The following LINGO2 variants were observed in gnomAD, a reference collection of about 807,000 sequenced individuals.
The protein encoded by LINGO2 is leucine rich repeat and Ig domain containing 2.
A neutral mutation model predicts 30.6 loss-of-function variants in LINGO2; 14 were observed. The observed-to-expected ratio is 0.46, with a 90% CI of 0.30 to 0.72. LINGO2 has a LOEUF of 0.72. Among genes scored for constraint, LINGO2 ranks in the 30% least tolerant of loss-of-function variants. The pLI is 0.07. For missense variants in LINGO2, 729 were observed against 751.7 expected (o/e 0.97, Z 0.35); for synonymous variants, 317 against 288.5 (o/e 1.10, Z -1.00).
At chr9:28,772,643 A>T in the LINGO2 span, among the ~76,000 whole-genome samples, 6 of 152,198 alleles carry the variant, frequency 3.9e-5, no homozygotes, top group African/African-American at 1.4e-4. Flanking sequence ...ATTTTCTTTA[A>T]CTCTCTTTTT....
chr9:28,028,484 T>C (rs1411806268), intron 4 of LINGO2, among the ~76,000 whole-genome samples: 2 of 151,998 alleles, frequency 1.3e-5, no homozygotes, highest in Admixed American at 6.5e-5. Context: ...TACAAATGTA[T>C]ATACACGTAA....
chr9:28,511,812 A>C (rs59461988), intron 1 of LINGO2, among the ~76,000 whole-genome samples: 68 of 152,302 alleles, frequency 4.5e-4, no homozygotes, highest in African/African-American at 1.6e-3. Context: ...GCACAGCCAG[A>C]TGCACTGCTT....
chr9:29,101,800 C>G, the LINGO2 span, among the ~76,000 whole-genome samples: 5 of 152,056 alleles, frequency 3.3e-5, no homozygotes, highest in African/African-American at 1.2e-4. Flanking sequence ...TTTTCTTTAT[C>G]CAGTCTTCTG....
At chr9:28,993,427 T>C in the LINGO2 span, among the ~76,000 whole-genome samples, 1 of 152,188 alleles carries the variant, frequency 6.6e-6, no homozygotes, top group Non-Finnish European at 1.5e-5. Context: ...AGCCGAATTC[T>C]ACCAGAGGTA....
intron 4 of LINGO2, among the ~76,000 whole-genome samples, chr9:28,074,438 T>C (rs1402459957): frequency 2.6e-5 from 4 of 152,172 alleles, no homozygotes; most frequent in Non-Finnish European, 4.4e-5. Flanking sequence ...TATTGGATCA[T>C]GTCGTACATG....
At chr9:28,721,202 C>T in the LINGO2 span, among the ~76,000 whole-genome samples, 1 of 152,244 alleles carries the variant, frequency 6.6e-6, no homozygotes, top group East Asian at 1.9e-4. Context: ...TGCTTTTACA[C>T]TGTTGGTAGG....
chr9:28,847,690 C>G, the LINGO2 span, among the ~76,000 whole-genome samples: 2 of 141,660 alleles, frequency 1.4e-5, 1 homozygote, highest in African/African-American at 5.4e-5. Context: ...AACTGAGCAT[C>G]TACATATTGA....
chr9:28,414,245 G>A (rs11791730), intron 2 of LINGO2, among the ~76,000 whole-genome samples: 24,427 of 151,814 alleles, frequency 0.16, 2,622 homozygotes, highest in African/African-American at 0.3. Context: ...ATTTTATTTC[G>A]TTCCACAGTC....
At chr9:28,008,928 A>T (rs558458991) in intron 5 of LINGO2, among the ~76,000 whole-genome samples, 1 of 152,166 alleles carries the variant, frequency 6.6e-6, no homozygotes, top group East Asian at 1.9e-4. Context: ...TAAATTTCAT[A>T]AAGAAATTAT....
the LINGO2 span, among the ~76,000 whole-genome samples, chr9:29,121,232 G>A: frequency 1.3e-5 from 2 of 152,140 alleles, no homozygotes; most frequent in African/African-American, 4.8e-5. Context: ...AAGTCAAACT[G>A]TGTGTTGCTC....
At chr9:28,963,259 G>A in the LINGO2 span, among the ~76,000 whole-genome samples, 3 of 151,848 alleles carry the variant, frequency 2.0e-5, no homozygotes, top group Non-Finnish European at 4.4e-5. Context: ...TTAGCATTGA[G>A]TTTTTAATTT....
the LINGO2 span, among the ~76,000 whole-genome samples, chr9:28,892,576 A>C: frequency 6.6e-6 from 1 of 152,130 alleles, no homozygotes; most frequent in African/African-American, 2.4e-5. Flanking sequence ...CTTAACATGT[A>C]AATAAAAGCA....
At chr9:29,069,288 A>G in the LINGO2 span, among the ~76,000 whole-genome samples, 3 of 152,094 alleles carry the variant, frequency 2.0e-5, no homozygotes, top group East Asian at 3.9e-4. Context: ...GAACCCTCTC[A>G]TGACGGAATG....
At chr9:28,059,238 A>G (rs1825063153) in intron 4 of LINGO2, among the ~76,000 whole-genome samples, 1 of 152,078 alleles carries the variant, frequency 6.6e-6, no homozygotes. Context: ...GCTGTAGATC[A>G]TGTGCCTACC....
intron 4 of LINGO2, among the ~76,000 whole-genome samples, chr9:28,135,278 C>G (rs1199041249): frequency 6.6e-6 from 1 of 151,618 alleles, no homozygotes; most frequent in African/African-American, 2.4e-5. Context: ...GAAGAGATGT[C>G]TGGATGAAAG....
chr9:28,616,409 C>T (rs1034570818), intron 1 of LINGO2, among the ~76,000 whole-genome samples: 1 of 152,132 alleles, frequency 6.6e-6, no homozygotes, highest in Non-Finnish European at 1.5e-5. Flanking sequence ...CCCACATCAG[C>T]TGCTTTCAAA....
At chr9:28,873,410 C>G in the LINGO2 span, among the ~76,000 whole-genome samples, 1 of 146,372 alleles carries the variant, frequency 6.8e-6, no homozygotes, top group African/African-American at 2.5e-5. Context: ...AAAAAAGAAA[C>G]TATTTCTTCT....
At chr9:28,701,877 T>C in the LINGO2 span, among the ~76,000 whole-genome samples, 1 of 151,942 alleles carries the variant, frequency 6.6e-6, no homozygotes, top group African/African-American at 2.4e-5. Context: ...ACCTAAATAT[T>C]TCATTTTTGG....
At chr9:28,827,472 T>C in the LINGO2 span, among the ~76,000 whole-genome samples, 1 of 152,186 alleles carries the variant, frequency 6.6e-6, no homozygotes, top group African/African-American at 2.4e-5. Flanking sequence ...AGTTTCCACA[T>C]CTTTAAAATG....
Sources: gnomAD v4.1 joint callset for allele counts (sites outside exome capture counted in the v4.1 genomes callset) on GRCh38, gnomAD v4.1.1 for gene constraint, MANE v1.5 for transcripts, NCBI Gene and HGNC (gene_info 2026-07-23, HGNC 2026-07-21) for gene names.